Variants in CDH18 observed in about 807,000 individuals in gnomAD.
CDH18 encodes the protein cadherin-18.
A neutral mutation model predicts 67.9 loss-of-function variants in CDH18; 31 were observed. The ratio of observed to expected loss-of-function variants is 0.46; its 90% confidence interval spans 0.34 to 0.62. The LOEUF is 0.62. CDH18 is among the 20% of genes least tolerant of loss of function. CDH18 has a pLI of 0.01. For synonymous variants in CDH18, 362 were observed against 347.2 expected, an observed-to-expected ratio of 1.04 and a Z score of -0.48; for missense variants, 890 against 975.5, an observed-to-expected ratio of 0.91 and a Z score of 1.17.
chr5:19,763,289 G>C (rs930691486), intron 3 of CDH18, among the ~76,000 whole-genome samples: 1 of 152,300 alleles, frequency 6.6e-6, no homozygotes, highest in African/African-American at 2.4e-5. Flanking sequence ...GATTGTTAAT[G>C]GGAGCATGGA....
At chr5:20,184,475 G>A (rs765903932) in intron 2 of CDH18, among the ~76,000 whole-genome samples, 4 of 151,958 alleles carry the variant, frequency 2.6e-5, no homozygotes, top group Non-Finnish European at 5.9e-5. Flanking sequence ...TCTAATACAA[G>A]GTTAAGGCAG....
intron 2 of CDH18, among the ~76,000 whole-genome samples, chr5:20,166,835 G>C (rs1187944266): frequency 6.6e-6 from 1 of 152,060 alleles, no homozygotes; most frequent in Non-Finnish European, 1.5e-5. Flanking sequence ...CTCCAAGCAC[G>C]CACTATGCAA....
chr5:19,758,871 A>G (rs1167428930), intron 3 of CDH18, among the ~76,000 whole-genome samples: 1 of 152,182 alleles, frequency 6.6e-6, no homozygotes, highest in Non-Finnish European at 1.5e-5. Flanking sequence ...TGCTCACTGG[A>G]TCTGATCAGC....
intron 1 of CDH18, among the ~76,000 whole-genome samples, chr5:20,353,674 T>C (rs1001036065): frequency 2.0e-5 from 3 of 152,182 alleles, no homozygotes; most frequent in African/African-American, 7.2e-5. Context: ...GGCAACAAAG[T>C]CTCTTCAGAA....
At chr5:20,564,406 T>A (rs188367096) in intron 1 of CDH18, among the ~76,000 whole-genome samples, 1 of 151,944 alleles carries the variant, frequency 6.6e-6, no homozygotes, top group Admixed American at 6.6e-5. Flanking sequence ...GGTTCCTGAG[T>A]ATCTGGGACT....
At chr5:20,168,637 T>C (rs555975460) in intron 2 of CDH18, among the ~76,000 whole-genome samples, 1 of 152,234 alleles carries the variant, frequency 6.6e-6, no homozygotes, top group South Asian at 2.1e-4. Context: ...CTACAGATTA[T>C]AGAAAAGTGC....
chr5:19,500,214 C>T (rs1379589291), intron 11 of CDH18, among the ~76,000 whole-genome samples: 1 of 151,954 alleles, frequency 6.6e-6, no homozygotes. Context: ...CTCCAGAGTA[C>T]ATGAATAAAT....
At chr5:20,035,963 T>A (rs1269223579) in intron 2 of CDH18, among the ~76,000 whole-genome samples, 3 of 152,176 alleles carry the variant, frequency 2.0e-5, no homozygotes, top group Admixed American at 2.0e-4. Context: ...GTATTGTTGT[T>A]GTTGTTGCTG....
chr5:19,817,800 T>C (rs1779451699), intron 3 of CDH18, among the ~76,000 whole-genome samples: 1 of 152,120 alleles, frequency 6.6e-6, no homozygotes, highest in South Asian at 2.1e-4. Context: ...CTCAAAAACA[T>C]TTCCTGTGAA....
At chr5:20,216,340 G>T (rs532689154) in intron 2 of CDH18, among the ~76,000 whole-genome samples, 2 of 151,864 alleles carry the variant, frequency 1.3e-5, no homozygotes, top group African/African-American at 2.4e-5. Flanking sequence ...AACAATATCT[G>T]TGAAACACAA....
At chr5:20,179,419 T>A (rs1048780838) in intron 2 of CDH18, among the ~76,000 whole-genome samples, 1 of 152,170 alleles carries the variant, frequency 6.6e-6, no homozygotes, top group African/African-American at 2.4e-5. Flanking sequence ...AAGTTTGGGA[T>A]TATTAAGTAA....
At chr5:20,363,539 T>A (rs1305534955) in intron 1 of CDH18, among the ~76,000 whole-genome samples, 2 of 151,596 alleles carry the variant, frequency 1.3e-5, no homozygotes, top group Non-Finnish European at 2.9e-5. Flanking sequence ...AATGACACTT[T>A]AGCTCCACCT....
At chr5:20,112,312 C>G (rs1268675644) in intron 2 of CDH18, among the ~76,000 whole-genome samples, 1 of 152,152 alleles carries the variant, frequency 6.6e-6, no homozygotes, top group Admixed American at 6.5e-5. Context: ...CTATTCATGA[C>G]AGAAACATAT....
intron 3 of CDH18, among the ~76,000 whole-genome samples, chr5:19,771,599 G>A (rs1773739612): frequency 6.6e-6 from 1 of 152,206 alleles, no homozygotes; most frequent in African/African-American, 2.4e-5. Flanking sequence ...GCTAAGCCAT[G>A]ACTGAATTCC....
intron 2 of CDH18, among the ~76,000 whole-genome samples, chr5:20,172,226 A>ATATATATATATATG (rs1736861497): frequency 9.4e-6 from 1 of 105,852 alleles, no homozygotes; most frequent in African/African-American, 4.3e-5. Flanking sequence ...ATATATATGT[A>ATATATATATATATG]TATATATATA....
intron 2 of CDH18, among the ~76,000 whole-genome samples, chr5:20,068,903 G>A (rs985613722): frequency 6.6e-6 from 1 of 152,052 alleles, no homozygotes; most frequent in African/African-American, 2.4e-5. Flanking sequence ...ACATGATAAT[G>A]AGAAAATAAA....
At chr5:19,653,805 A>C (rs1201354526) in intron 5 of CDH18, among the ~76,000 whole-genome samples, 1 of 152,108 alleles carries the variant, frequency 6.6e-6, no homozygotes, top group Non-Finnish European at 1.5e-5. Flanking sequence ...AGCAAGGTAC[A>C]TTCTTGTGAT....
At chr5:20,095,113 T>C (rs1486353661) in intron 2 of CDH18, among the ~76,000 whole-genome samples, 1 of 151,394 alleles carries the variant, frequency 6.6e-6, no homozygotes, top group Non-Finnish European at 1.5e-5. Context: ...AATGAGAACA[T>C]ATGGGCACAG....
At chr5:19,956,312 C>A (rs1241034110) in intron 2 of CDH18, among the ~76,000 whole-genome samples, 1 of 151,854 alleles carries the variant, frequency 6.6e-6, no homozygotes, top group Admixed American at 6.6e-5. Context: ...TATATATGTT[C>A]AATTTTAATC....
Sources: gnomAD v4.1 joint callset for allele counts (sites outside exome capture counted in the v4.1 genomes callset) on GRCh38, gnomAD v4.1.1 for gene constraint, MANE v1.5 for transcripts, NCBI Gene and HGNC (gene_info 2026-07-23, HGNC 2026-07-21) for gene names.